TANC2: variants seen among roughly 807,000 people sequenced by gnomAD.
The protein encoded by TANC2 is protein TANC2.
Under a neutral mutation model 210.5 loss-of-function variants are expected in TANC2, and 26 were observed. That is an observed-to-expected ratio of 0.12 (90% confidence interval 0.09 to 0.17). The LOEUF is 0.17. Among genes scored for constraint, TANC2 ranks in the 10% least tolerant of loss-of-function variants. The pLI is 1.00. For missense variants in TANC2, 2,129 were observed against 2,608.9 expected (o/e 0.82, Z 4.01); for synonymous variants, 931 against 967.1 (o/e 0.96, Z 0.69).
At chr17:63,237,883 G>A (rs576043041) in exon 8 of TANC2, 1 of 1,563,856 alleles carries the variant, frequency 6.4e-7, no homozygotes, top group Middle Eastern at 1.7e-4. Context: ...AAAGAATTAG[G>A]ATCTGGAGGA....
Position 63,177,610 on chromosome 17 carries a change from G to A in TANC2, c.434-16381G>A, listed in dbSNP as rs1164661721. On this transcript the variant is annotated intron_variant, in intron 5 of 27. Transcript: ENST00000689528. ...CAAAACTTACAGCAACCAAAAATAA[G>A]CACTTTAAAAAACTCATGGGCTTGC... 2.0e-5 allele frequency among the ~76,000 whole-genome samples: 3 copies of A among 152,144 alleles called. 1 individual carries two copies. The highest frequency in any genetic ancestry group is 4.4e-5 in the Non-Finnish European group (3 of 68,020).
chr17:63,077,613 A>G (rs1413194919), intron 3 of TANC2, among the ~76,000 whole-genome samples: 1 of 152,186 alleles, frequency 6.6e-6, no homozygotes, highest in African/African-American at 2.4e-5. Context: ...CAAGGTTGAA[A>G]TGGTGATAAA....
In TANC2 at chr17:62,987,973, A is replaced by C. The variant is rs377035155; in HGVS notation, c.-24+21224A>C. On this transcript the variant is annotated intron_variant, in intron 1 of 27. Transcript: ENST00000689528. ...AAAAGGCATGTTAGAAGATTAATATATTCCATATTAAATATAGTAAGTTTC... is the reference window on the plus strand; with the variant it reads ...AAAAGGCATGTTAGAAGATTAATATCTTCCATATTAAATATAGTAAGTTTC... Among the ~76,000 whole-genome samples, 8 of 152,126 alleles carry C rather than the reference A, an allele frequency of 5.3e-5. No individual in the cohort carries two copies. The East Asian group carries it at 9.6e-4, about 18-fold the overall frequency.
Position 63,420,034 on chromosome 17 carries a change from C to A in TANC2, c.4304C>A (p.Ala1435Asp). Residue 1435 changes from alanine (A) to aspartate (D), a missense_variant, in exon 28 of 28, where the codon GCC becomes GAC. By Grantham distance (126) the Ala-to-Asp change is moderately radical. Around this residue, in one of 5 missense-constraint regions of TANC2, gnomAD observed 584 missense variants for 627.3 expected, o/e 0.93. Coordinates refer to ENST00000689528, the Ensembl canonical transcript of TANC2. This position sits in a 1 kb window ranked among gnomAD's most constrained non-coding sequence, Gnocchi z 4.2. ...GCAGCCTTAGAGGACCTGAACGAGGCCATCAAGCTGTGTCCCAACAACCGT... is the reference window on the plus strand; with the variant it reads ...GCAGCCTTAGAGGACCTGAACGAGGACATCAAGCTGTGTCCCAACAACCGT... The A allele has an allele frequency of 1.3e-6, 2 of 1,551,080 alleles. No individual in the cohort carries two copies. The highest frequency in any genetic ancestry group is 8.7e-7 in the Non-Finnish European group (1 of 1,146,162).
chr17:63,364,301 G>GTT (rs1204841849), intron 14 of TANC2, among the ~76,000 whole-genome samples: 2 of 152,028 alleles, frequency 1.3e-5, no homozygotes, highest in Non-Finnish European at 2.9e-5. Context: ...TAGGCAAACT[G>GTT]TTCCCATCTT....
At chr17:62,972,190 A>T (rs2031737545) in intron 1 of TANC2, among the ~76,000 whole-genome samples, 1 of 152,124 alleles carries the variant, frequency 6.6e-6, no homozygotes, top group Non-Finnish European at 1.5e-5. Flanking sequence ...ATCTTTATAA[A>T]TTATGTGAAA....
At chr17:63,238,749 A>G (rs1397643993) in intron 8 of TANC2, among the ~76,000 whole-genome samples, 2 of 152,184 alleles carry the variant, frequency 1.3e-5, no homozygotes, top group Admixed American at 6.6e-5. Context: ...ATTGGCTCAC[A>G]GTTCCACACA....
intron 3 of TANC2, among the ~76,000 whole-genome samples, chr17:63,098,208 T>C (rs1210366568): frequency 6.6e-6 from 1 of 152,058 alleles, no homozygotes; most frequent in Non-Finnish European, 1.5e-5. Flanking sequence ...TACGATGATA[T>C]TACCTTCCTC....
chr17:63,234,138 T>A (rs574509740), intron 7 of TANC2, among the ~76,000 whole-genome samples: 1 of 152,314 alleles, frequency 6.6e-6, no homozygotes, highest in South Asian at 2.1e-4. Flanking sequence ...TGTTTCACAG[T>A]ATCCTAAAAT....
intron 14 of TANC2, among the ~76,000 whole-genome samples, chr17:63,370,275 G>A (rs1272936553): frequency 6.6e-6 from 1 of 151,080 alleles, no homozygotes; most frequent in Non-Finnish European, 1.5e-5. Flanking sequence ...GCCTCCCGGG[G>A]TCACGCCATT....
intron 9 of TANC2, among the ~76,000 whole-genome samples, chr17:63,277,987 C>T (rs1226377258): frequency 6.6e-6 from 1 of 152,006 alleles, no homozygotes. Flanking sequence ...GCCTGGGCAA[C>T]ATAGTGAGAC....
At chr17:63,041,931 T>C (rs985091201) in intron 2 of TANC2, among the ~76,000 whole-genome samples, 1 of 152,178 alleles carries the variant, frequency 6.6e-6, no homozygotes, top group Non-Finnish European at 1.5e-5. Flanking sequence ...CACATTGTTA[T>C]TGACACGCAA....
chr17:62,993,890 C>T (rs1026086674), intron 1 of TANC2, among the ~76,000 whole-genome samples: 1 of 152,090 alleles, frequency 6.6e-6, no homozygotes, highest in African/African-American at 2.4e-5. Context: ...GCTCATGCCA[C>T]GCACTGCAGC....
chr17:63,098,484 A>ACTCT (rs1175349288), intron 3 of TANC2, among the ~76,000 whole-genome samples: 12 of 72,292 alleles, frequency 1.7e-4, no homozygotes, highest in South Asian at 4.2e-4. Flanking sequence ...ACACACATAC[A>ACTCT]CTCTCTCTCT....
intron 14 of TANC2, among the ~76,000 whole-genome samples, chr17:63,372,181 T>C (rs1301544113): frequency 6.6e-6 from 1 of 152,222 alleles, no homozygotes; most frequent in Non-Finnish European, 1.5e-5. Context: ...ATGAGAAATT[T>C]ATATTCTTCC....
At chr17:63,088,876 TAG>T (rs2037075929) in intron 3 of TANC2, 1 of 152,190 alleles carries the variant, frequency 6.6e-6, no homozygotes, top group Admixed American at 6.5e-5. Context: ...AAGGCTTTTG[TAG>T]AGTCTTTACA....
In TANC2 at chr17:63,316,948, TTATTAATATAAG is replaced by T. The variant is rs1303064558; in HGVS notation, c.1442-2007_1442-1996del. Among the ~76,000 whole-genome samples, 6 of 54,318 alleles carry T rather than the reference TTATTAATATAAG, an allele frequency of 1.1e-4. No homozygotes were observed. The African/African-American group carries it at 2.7e-3, about 25-fold the overall frequency. 35.6% of individuals were successfully genotyped at this position (54,318 alleles called of 152,430 possible). A position where few individuals can be genotyped will look rare whatever the true frequency, so the allele number is the denominator to read the frequency against. Reference sequence around the variant, plus strand: ...GGCTTAATTTTTTACAGAATATAAGTTATTAATATAAGTTATTATATTAAACTTAATATAAGT... The same window carrying T: ...GGCTTAATTTTTTACAGAATATAAGTTTATTATATTAAACTTAATATAAGT... On this transcript the variant is annotated intron_variant, in intron 10 of 27. Transcript: ENST00000689528.
rs1396912850 is a variant in TANC2 at position 63,420,274 on chromosome 17, C to T, written c.4544C>T (p.Ala1515Val). The T allele has an allele frequency of 6.2e-7, 1 of 1,613,722 alleles. No individual in the cohort carries two copies. The highest frequency in any genetic ancestry group is 1.3e-5 in the African/African-American group (1 of 74,918). The change falls in exon 28 of 28, where the codon GCC becomes GTC. Residue 1515 changes from alanine to valine, a missense_variant. Around this residue, in one of 5 missense-constraint regions of TANC2, gnomAD observed 584 missense variants for 627.3 expected, o/e 0.93. Coordinates refer to ENST00000689528, the Ensembl canonical transcript of TANC2. This position sits in a 1 kb window ranked among gnomAD's most constrained non-coding sequence, Gnocchi z 4.2. ...GTTTCCATTGGCCTCCAGACAGAGG[C>T]CCGGCCCAGCCAGGGGCTCCCGGTC...
chr17:63,176,353 A>G (rs1376682792), intron 5 of TANC2, among the ~76,000 whole-genome samples: 2 of 152,230 alleles, frequency 1.3e-5, no homozygotes, highest in African/African-American at 4.8e-5. Flanking sequence ...CTGCTCAGCT[A>G]TGAAAAGGAG....
Sources: allele counts gnomAD v4.1 joint callset (sites outside exome capture counted in the v4.1 genomes callset), GRCh38; gene constraint gnomAD v4.1.1; regional missense constraint gnomAD v4.1.1; non-coding constraint Gnocchi (gnomAD v3.1); transcripts MANE v1.5; gene names NCBI Gene and HGNC (gene_info 2026-07-23, HGNC 2026-07-21).